The following HDAC9 variants were observed in gnomAD, a reference collection of about 807,000 sequenced individuals.
HDAC9 encodes the protein histone deacetylase 9, also known as MEF-2 interacting transcription repressor (MITR) protein.
Under a neutral mutation model 139.4 loss-of-function variants are expected in HDAC9, and 41 were observed. That is an observed-to-expected ratio of 0.29 (90% confidence interval 0.23 to 0.38). The LOEUF (loss-of-function observed/expected upper bound fraction) is 0.38. Ranked by LOEUF, HDAC9 falls within the 10% of genes least tolerant of loss-of-function variation. The pLI is 1.00. For missense variants in HDAC9, 1,147 were observed against 1,297.0 expected (o/e 0.88, Z 1.78); for synonymous variants, 517 against 476.2 (o/e 1.09, Z -1.12).
intron 2 of HDAC9, among the ~76,000 whole-genome samples, chr7:18,497,016 G>A (rs1182084153): frequency 6.6e-6 from 1 of 152,086 alleles, no homozygotes; most frequent in African/African-American, 2.4e-5. Context: ...AAGGATAATA[G>A]GAACAGATTC....
Position 18,984,174 on chromosome 7 carries a change from C to G in HDAC9, c.3170+8221C>G, listed in dbSNP as rs61558214. ...AGCTCCTTATGAATAGAATCTGCAT[C>G]CCTTTGGCTTAGCATTATTTTTTTA... On this transcript the variant is annotated intron_variant, in intron 25 of 25. Transcript: ENST00000686413. Among the ~76,000 whole-genome samples, 1,285 of 152,086 alleles carry G rather than the reference C, an allele frequency of 8.4e-3. 11 individuals are homozygous for G. Among genetic ancestry groups the G allele is most frequent in the African/African-American group, 0.03 (1,237 of 41,484 alleles).
intron 2 of HDAC9, among the ~76,000 whole-genome samples, chr7:18,277,001 A>G (rs936870876): frequency 3.9e-5 from 6 of 152,128 alleles, no homozygotes; most frequent in African/African-American, 1.2e-4. Flanking sequence ...ATCTTGAAAC[A>G]TATAGTTTAT....
chr7:18,725,092 C>T (rs562579889), intron 12 of HDAC9, among the ~76,000 whole-genome samples: 2 of 152,206 alleles, frequency 1.3e-5, no homozygotes, highest in Admixed American at 1.3e-4. Context: ...TCATGGTCAA[C>T]ATATCCATGA....
intron 24 of HDAC9, among the ~76,000 whole-genome samples, chr7:18,975,133 C>A (rs1784472207): frequency 6.6e-6 from 1 of 152,150 alleles, no homozygotes; most frequent in African/African-American, 2.4e-5. Flanking sequence ...CATGAAATGA[C>A]CTTCTATTTT....
At chr7:18,560,407 G>T (rs752333456) in intron 2 of HDAC9, among the ~76,000 whole-genome samples, 1 of 152,094 alleles carries the variant, frequency 6.6e-6, no homozygotes, top group African/African-American at 2.4e-5. Flanking sequence ...TTGTGATGTC[G>T]TATTAGTTTC....
intron 12 of HDAC9, among the ~76,000 whole-genome samples, chr7:18,698,377 C>T (rs2129102555): frequency 6.6e-6 from 1 of 152,154 alleles, no homozygotes; most frequent in East Asian, 1.9e-4. Flanking sequence ...TAGCTGACAT[C>T]AAAATGTTTT....
At chr7:18,623,625 G>C (rs1200474901) in intron 6 of HDAC9, among the ~76,000 whole-genome samples, 3 of 152,022 alleles carry the variant, frequency 2.0e-5, no homozygotes, top group African/African-American at 7.2e-5. Flanking sequence ...TCACTCATTT[G>C]GGGTTACAGT....
intron 1 of HDAC9, among the ~76,000 whole-genome samples, chr7:18,366,205 G>A (rs1231668532): frequency 1.3e-5 from 2 of 152,074 alleles, no homozygotes; most frequent in Non-Finnish European, 2.9e-5. Context: ...GATGATAACT[G>A]CAGAACTGCT....
intron 16 of HDAC9, among the ~76,000 whole-genome samples, chr7:18,780,195 C>T (rs1791128914): frequency 6.6e-6 from 1 of 151,984 alleles, no homozygotes; most frequent in African/African-American, 2.4e-5. Flanking sequence ...AATGACTGGG[C>T]CTCAGTTCCT....
intron 2 of HDAC9, among the ~76,000 whole-genome samples, chr7:18,220,064 A>C (rs141419193): frequency 6.6e-6 from 1 of 152,304 alleles, no homozygotes; most frequent in Non-Finnish European, 1.5e-5. Flanking sequence ...AGTGCATGAT[A>C]CATGTATAAA....
At chr7:18,242,548 A>G (rs1794254616) in intron 2 of HDAC9, among the ~76,000 whole-genome samples, 1 of 152,198 alleles carries the variant, frequency 6.6e-6, no homozygotes, top group South Asian at 2.1e-4. Flanking sequence ...GAGAAAGTGA[A>G]GCATATATTT....
chr7:18,871,615 A>G (rs976936823), intron 21 of HDAC9, among the ~76,000 whole-genome samples: 1 of 152,168 alleles, frequency 6.6e-6, no homozygotes, highest in Non-Finnish European at 1.5e-5. Flanking sequence ...TTAATCAGAA[A>G]TCCCAATTTT....
chr7:18,521,176 A>G (rs1219799660), intron 2 of HDAC9, among the ~76,000 whole-genome samples: 1 of 152,202 alleles, frequency 6.6e-6, no homozygotes, highest in Non-Finnish European at 1.5e-5. Flanking sequence ...ATCTCCAGTA[A>G]TGGAGAAAAA....
Position 18,749,144 on chromosome 7 carries a change from C to A in HDAC9, c.2043+6C>A. 4 of 1,612,742 alleles carry A rather than the reference C, an allele frequency of 2.5e-6. No individual in the cohort carries two copies. Among genetic ancestry groups the A allele is most frequent in the Non-Finnish European group, 3.4e-6 (4 of 1,179,392 alleles). On this transcript the variant is annotated splice_donor_region_variant and intron_variant, in intron 14 of 25. Transcript: ENST00000686413. Reference sequence around the variant, plus strand: ...GGCTGCTAAATAAATGTGAGGTAATCCAGAATTGGACACACTCTTTTACTT... The same window carrying A: ...GGCTGCTAAATAAATGTGAGGTAATACAGAATTGGACACACTCTTTTACTT...
chr7:18,991,461 C>A (rs1318521209), intron 25 of HDAC9, among the ~76,000 whole-genome samples: 3 of 152,206 alleles, frequency 2.0e-5, no homozygotes, highest in East Asian at 3.9e-4. Context: ...CACGGTGAAA[C>A]CCTGTCTCTA....
chr7:18,254,288 A>G (rs905537906), intron 2 of HDAC9, among the ~76,000 whole-genome samples: 1 of 152,232 alleles, frequency 6.6e-6, no homozygotes, highest in East Asian at 1.9e-4. Flanking sequence ...AGAGTTACCT[A>G]TCTAGGAATC....
chr7:18,916,231 T>A (rs1416545235), intron 22 of HDAC9, among the ~76,000 whole-genome samples: 1 of 151,998 alleles, frequency 6.6e-6, no homozygotes, highest in Non-Finnish European at 1.5e-5. Flanking sequence ...GGCAGCCATT[T>A]CTTGGAGCAT....
chr7:18,898,732 C>CA (rs1801436597), intron 22 of HDAC9, among the ~76,000 whole-genome samples: 1 of 150,822 alleles, frequency 6.6e-6, no homozygotes, highest in South Asian at 2.1e-4. Context: ...AAGGATAAGA[C>CA]TTTTTTTTTA....
rs550531464 is a variant in HDAC9 at position 18,945,979 on chromosome 7, T to G, written c.2938-8167T>G. Among the ~76,000 whole-genome samples, 27 of 130,774 alleles carry G rather than the reference T, an allele frequency of 2.1e-4. No individual in the cohort carries two copies. In the South Asian group the frequency reaches 5.2e-3, roughly 25 times the overall value. The allele number at this position is 130,774 out of a possible 152,430, so 85.8% of individuals were successfully genotyped here. A position where few individuals can be genotyped will look rare whatever the true frequency, so the allele number is the denominator to read the frequency against. The stretch of plus-strand genomic sequence containing the variant: ...TTGAACCCAGGAGGCAGAGGTTGCA[T>G]TGAGCCGAGATAGCACCACTGCACT... On this transcript the variant is annotated intron_variant, in intron 23 of 25. Transcript: ENST00000686413.
Sources: allele counts gnomAD v4.1 joint callset (sites outside exome capture counted in the v4.1 genomes callset), GRCh38; gene constraint gnomAD v4.1.1; transcripts MANE v1.5; gene names NCBI Gene and HGNC (gene_info 2026-07-23, HGNC 2026-07-21).